CYP3A7: variants seen among roughly 807,000 people sequenced by gnomAD.
The protein encoded by CYP3A7 is cytochrome P450 family 3 subfamily A member 7.
In CYP3A7, 45 loss-of-function variants were observed where a neutral mutation model predicts 55.2. The observed-to-expected ratio is 0.82, with a 90% CI of 0.64 to 1.05. CYP3A7 has a LOEUF of 1.05. CYP3A7 is among the 50% of genes least tolerant of loss of function. CYP3A7 has a pLI of 0.00. For synonymous variants in CYP3A7, 180 were observed against 207.4 expected, an observed-to-expected ratio of 0.87 and a Z score of 1.13; for missense variants, 548 against 605.3, an observed-to-expected ratio of 0.91 and a Z score of 0.99.
chr7:99,734,898 G>A, intron 1 of CYP3A7, 125 bp downstream of exon 1: 2 of 1,438,702 alleles, frequency 1.4e-6, no homozygotes, highest in Non-Finnish European at 1.9e-6. Flanking sequence ...TGGGATGACA[G>A]GTGTGAGCCA....
chr7:99,719,597 T>TA (rs34154522), intron 4 of CYP3A7, among the ~76,000 whole-genome samples: 115,688 of 151,886 alleles, frequency 0.76, 47,038 homozygotes, highest in Non-Finnish European at 0.91. Flanking sequence ...GCACAATCCA[T>TA]AAAAAAATAT....
chr7:99,706,164 C>A (rs1170236443), intron 12 of CYP3A7, among the ~76,000 whole-genome samples: 2 of 152,152 alleles, frequency 1.3e-5, no homozygotes, highest in African/African-American at 4.8e-5. Flanking sequence ...AAGGGTAGTG[C>A]AAGTGGGGAA....
chr7:99,715,618 A>G, intron 7 of CYP3A7, 140 bp downstream of exon 7: 1 of 1,421,902 alleles, frequency 7.0e-7, no homozygotes, highest in Non-Finnish European at 9.8e-7. Flanking sequence ...TACAATGGTG[A>G]TGGTCGTACA....
intron 1 of CYP3A7, 124 bp from the exon 2 acceptor site, chr7:99,731,276 T>C: frequency 9.4e-7 from 1 of 1,061,612 alleles, no homozygotes; most frequent in Admixed American, 2.4e-5. Flanking sequence ...CAATAAAAAA[T>C]AACAGTAACT....
chr7:99,708,049 C>T, intron 11 of CYP3A7, 75 bp from the exon 12 acceptor site: 1 of 1,604,466 alleles, frequency 6.2e-7, no homozygotes, highest in Non-Finnish European at 8.5e-7. Flanking sequence ...GGGTTTCTTA[C>T]TTAGGGCCCA....
In CYP3A7 at chr7:99,714,664, G is replaced by A; in HGVS notation, c.689C>T (p.Thr230Ile). Residue 230 changes from threonine (T) to isoleucine (I), a missense_variant, in exon 8 of 13, where the codon ACC becomes ATC. Coordinates refer to ENST00000336374, the MANE Select transcript of CYP3A7 (RefSeq NM_000765.5). ...GATATTTAATGCTTCAAGAATTGGGGTAAGGAATGGAAAGACTTCTGTAGA... is the reference window on the plus strand; with the variant it reads ...GATATTTAATGCTTCAAGAATTGGGATAAGGAATGGAAAGACTTCTGTAGA... ...VLSIKVFPFLTPILEALNITV... is the reference protein window; with the variant it reads ...VLSIKVFPFLIPILEALNITV... The A allele has an allele frequency of 6.2e-7, 1 of 1,607,876 alleles. No individual in the cohort carries two copies. The highest frequency in any genetic ancestry group is 8.5e-7 in the Non-Finnish European group (1 of 1,176,988).
At chr7:99,718,926 C>G (rs1171205021) in intron 4 of CYP3A7, among the ~76,000 whole-genome samples, 3 of 152,108 alleles carry the variant, frequency 2.0e-5, no homozygotes, top group Admixed American at 6.6e-5. Flanking sequence ...AAATGAAATA[C>G]TTTAGCTGTA....
chr7:99,715,252 A>G (rs1813895664), intron 7 of CYP3A7: 2 of 178,188 alleles, frequency 1.1e-5, no homozygotes, highest in South Asian at 2.4e-4. Context: ...ATGTCATGTT[A>G]TTTAGCAAAC....
chr7:99,709,632 G>A (rs917968708), intron 10 of CYP3A7, among the ~76,000 whole-genome samples: 9 of 152,096 alleles, frequency 5.9e-5, no homozygotes, highest in Admixed American at 4.6e-4. Context: ...GAGGTTACAC[G>A]TCTGTAACCA....
chr7:99,715,132 G>A (rs1176129804), intron 7 of CYP3A7, among the ~76,000 whole-genome samples: 2 of 152,152 alleles, frequency 1.3e-5, no homozygotes, highest in African/African-American at 2.4e-5. Flanking sequence ...TCACACATAC[G>A]TGGAAGTTAA....
At chr7:99,722,510 A>G (rs1814244828) in intron 2 of CYP3A7, among the ~76,000 whole-genome samples, 162 bp from the exon 3 acceptor site, 1 of 152,202 alleles carries the variant, frequency 6.6e-6, no homozygotes, top group African/African-American at 2.4e-5. Context: ...AAAATAGAGG[A>G]GGTATTTGAA....
intron 9 of CYP3A7, among the ~76,000 whole-genome samples, chr7:99,711,484 A>G (rs1813747165): frequency 6.6e-6 from 1 of 152,172 alleles, no homozygotes; most frequent in African/African-American, 2.4e-5. Flanking sequence ...TTAGAAATGC[A>G]AAGGCTGGGC....
chr7:99,708,593 A>T (rs1813614144), intron 11 of CYP3A7, among the ~76,000 whole-genome samples: 3 of 152,144 alleles, frequency 2.0e-5, no homozygotes, highest in South Asian at 2.1e-4. Flanking sequence ...ATTGATGGAA[A>T]GCAGTGTCAT....
intron 11 of CYP3A7, 110 bp downstream of exon 11, chr7:99,708,925 C>A: frequency 7.8e-7 from 1 of 1,283,852 alleles, no homozygotes; most frequent in Non-Finnish European, 1.1e-6. Flanking sequence ...ACCTTTTAAA[C>A]ATAAAAAGAC....
chr7:99,728,714 C>G (rs1006699751), intron 2 of CYP3A7, among the ~76,000 whole-genome samples: 7 of 152,198 alleles, frequency 4.6e-5, no homozygotes, highest in Non-Finnish European at 5.9e-5. Flanking sequence ...CCTCATGACA[C>G]CAACCAGACA....
At chr7:99,731,175 G>A (rs1312504100) in intron 1 of CYP3A7, 23 bp from the exon 2 acceptor site, 9 of 1,613,214 alleles carry the variant, frequency 5.6e-6, no homozygotes, top group South Asian at 5.5e-5. Flanking sequence ...ACAAAAATCA[G>A]GTCTCAGGGA....
intron 2 of CYP3A7, 152 bp downstream of exon 2, chr7:99,730,907 T>C: frequency 9.9e-7 from 1 of 1,006,720 alleles, no homozygotes; most frequent in Non-Finnish European, 1.4e-6. Flanking sequence ...AGCCCCAGGG[T>C]AAACTTTGCC....
At chr7:99,720,438 A>G in intron 3 of CYP3A7, 26 bp from the exon 4 acceptor site, 1 of 1,612,466 alleles carries the variant, frequency 6.2e-7, no homozygotes, top group South Asian at 1.1e-5. Flanking sequence ...AGAGTTGATT[A>G]AACATCAACA....
chr7:99,705,742 A>G, intron 12 of CYP3A7, 147 bp from the exon 13 acceptor site: 5 of 983,804 alleles, frequency 5.1e-6, no homozygotes, highest in African/African-American at 3.3e-5. Context: ...GATTCGTTAT[A>G]CTTACTCTAT....
Sources: gnomAD v4.1 joint callset for allele counts (sites outside exome capture counted in the v4.1 genomes callset) on GRCh38, gnomAD v4.1.1 for gene constraint, MANE v1.5 for transcripts, NCBI Gene and HGNC (gene_info 2026-07-23, HGNC 2026-07-21) for gene names.